The following EP300 variants were observed in gnomAD, a reference collection of about 807,000 sequenced individuals.
EP300 encodes the protein EP300 lysine acetyltransferase.
In EP300, 31 loss-of-function variants were observed where a neutral mutation model predicts 264.0. The observed-to-expected ratio is 0.12, with a 90% CI of 0.09 to 0.16. EP300 has a LOEUF of 0.16. Among genes scored for constraint, EP300 ranks in the 10% least tolerant of loss-of-function variants. The pLI, the probability that EP300 is intolerant of heterozygous loss-of-function variation, is 1.00. For synonymous variants in EP300, 1,340 were observed against 1,045.4 expected (o/e 1.28, Z -5.44); for missense variants, 2,766 against 3,052.9 (o/e 0.91, Z 2.21).
intron 1 of EP300, among the ~76,000 whole-genome samples, chr22:41,104,946 C>T (rs2058750397): frequency 6.6e-6 from 1 of 151,986 alleles, no homozygotes; most frequent in South Asian, 2.1e-4. Context: ...GGGCAGATCA[C>T]GAGGTCAGGA....
At chr22:41,148,896 C>T (rs773363807) in intron 12 of EP300, 142 bp from the exon 13 acceptor site, 5 of 1,059,966 alleles carry the variant, frequency 4.7e-6, no homozygotes, top group Non-Finnish European at 7.0e-6. Context: ...TCCTTCTCCT[C>T]TTCAGCCCTC....
At chr22:41,096,940 T>A (rs2071497153) in intron 1 of EP300, among the ~76,000 whole-genome samples, 1 of 152,202 alleles carries the variant, frequency 6.6e-6, no homozygotes, top group South Asian at 2.1e-4. Flanking sequence ...TTTCTTAAAA[T>A]GCCATTGTGT....
chr22:41,134,301 G>GTT (rs1214935029), intron 6 of EP300, among the ~76,000 whole-genome samples: 1 of 151,616 alleles, frequency 6.6e-6, no homozygotes, highest in Non-Finnish European at 1.5e-5. Flanking sequence ...GTACGTGTGT[G>GTT]TTTGAGTTTG....
chr22:41,117,479 A>C lies in EP300; in HGVS notation c.387A>C (p.Ala129=). 3.7e-6 allele frequency: 6 copies of C among 1,613,706 alleles called. No homozygotes were observed. Among genetic ancestry groups the C allele is most frequent in the Non-Finnish European group, 5.1e-6 (6 of 1,179,546 alleles). The part of the protein sequence containing the change: ...NSMVKSPMTQ[A]GLTSPNMGMG... ...TGGTCAAAAGCCCAATGACACAGGC[A>C]GGCTTGACTTCTCCCAACATGGGGA... is the stretch of plus-strand genomic sequence containing the variant. Residue 129 remains alanine, a synonymous_variant, in exon 2 of 31, where the codon GCA becomes GCC. Coordinates refer to ENST00000263253, the MANE Select transcript of EP300 (RefSeq NM_001429.4).
intron 1 of EP300, among the ~76,000 whole-genome samples, chr22:41,100,051 C>T (rs1220005230): frequency 6.6e-6 from 1 of 152,016 alleles, no homozygotes; most frequent in African/African-American, 2.4e-5. Flanking sequence ...ACCCCCCATC[C>T]CCCCACCATC....
At chr22:41,154,944 GTTC>G (rs1358837893) in intron 16 of EP300, 48 bp from the exon 17 acceptor site, 1 of 1,243,100 alleles carries the variant, frequency 8.0e-7, no homozygotes, top group Non-Finnish European at 1.2e-6. Flanking sequence ...ATTTTTTAAA[GTTC>G]TTCTGCTTAA....
chr22:41,134,761 A>G (rs535370381), intron 6 of EP300, among the ~76,000 whole-genome samples: 4 of 152,348 alleles, frequency 2.6e-5, no homozygotes, highest in South Asian at 2.1e-4. Flanking sequence ...ATGAGGAGCA[A>G]TCTTGCCTTT....
intron 11 of EP300, among the ~76,000 whole-genome samples, chr22:41,147,017 A>G (rs541330241): frequency 2.0e-5 from 3 of 152,250 alleles, no homozygotes; most frequent in Admixed American, 2.0e-4. Flanking sequence ...TTAAAAAACA[A>G]CTGCAGGCTG....
intron 4 of EP300, 80 bp from the exon 5 acceptor site, chr22:41,129,810 A>G (rs1473361266): frequency 1.9e-6 from 2 of 1,029,868 alleles, no homozygotes; most frequent in African/African-American, 1.6e-5. Context: ...TATGTTACTT[A>G]TTAAGTGGTC....
At chr22:41,162,891 A>G (rs1362822366) in intron 21 of EP300, 112 bp downstream of exon 21, 6 of 846,698 alleles carry the variant, frequency 7.1e-6, no homozygotes, top group Non-Finnish European at 1.2e-5. Flanking sequence ...GGCTAAATCT[A>G]CATAACATAC....
At position 41,178,722 on chromosome 22, in the gene EP300, A is replaced by C. The variant is rs374096478; in HGVS notation, c.7011A>C (p.Pro2337=). The part of the protein sequence containing the change: ...PSPRMQPQPS[P]HHVSPQTSSP... ...CAAGGATGCAGCCTCAGCCTTCTCC[A>C]CACCACGTTTCCCCACAGACAAGTT... Residue 2337 remains proline, a synonymous_variant, in exon 31 of 31, where the codon CCA becomes CCC. Coordinates refer to ENST00000263253, the MANE Select transcript of EP300 (RefSeq NM_001429.4). 1 of 1,613,730 alleles carries C rather than the reference A, an allele frequency of 6.2e-7. No homozygotes were observed.
At chr22:41,108,291 C>T (rs962661136) in intron 1 of EP300, among the ~76,000 whole-genome samples, 3 of 146,466 alleles carry the variant, frequency 2.0e-5, no homozygotes, top group Non-Finnish European at 4.5e-5. Context: ...TTCTGTCGCC[C>T]AGTCTGGAGT....
chr22:41,167,841 T>TTTTTTTTTTTTTG, intron 23 of EP300, among the ~76,000 whole-genome samples: 1 of 103,670 alleles, frequency 9.6e-6, no homozygotes. Context: ...TTTTTTTTTT[T>TTTTTTTTTTTTTG]TTTTTTTTTT....
chr22:41,092,723 T>G lies in EP300; in HGVS notation c.-282T>G. ...CTCTAGAGCCGCGAGTTCTCGGGAA[T>G]TCGCCGCAGCGGACGCGCTCGGCGA... On this transcript the variant is annotated 5_prime_UTR_variant, in exon 1 of 31. Coordinates refer to ENST00000263253, the MANE Select transcript of EP300 (RefSeq NM_001429.4). The G allele has an allele frequency of 1.6e-6, 1 of 611,834 alleles. No individual in the cohort carries two copies. Among genetic ancestry groups the G allele is most frequent in the Non-Finnish European group, 3.0e-6 (1 of 337,102 alleles). 37.9% of individuals were successfully genotyped at this position (611,834 alleles called of 1,614,324 possible).
intron 18 of EP300, 36 bp from the exon 19 acceptor site, chr22:41,158,376 G>T (rs1364818199): frequency 6.4e-7 from 1 of 1,574,224 alleles, no homozygotes; most frequent in Middle Eastern, 1.7e-4. Context: ...TGTCCTTAAG[G>T]CCTCTGTGCT....
At chr22:41,127,407 T>C (rs1054159474) in intron 3 of EP300, 80 bp from the exon 4 acceptor site, 2 of 1,581,602 alleles carry the variant, frequency 1.3e-6, no homozygotes, top group Admixed American at 1.7e-5. Context: ...AAGGTTTTCA[T>C]TGAAAATATC....
chr22:41,125,339 C>G (rs1025695864), intron 2 of EP300, among the ~76,000 whole-genome samples: 4 of 151,774 alleles, frequency 2.6e-5, no homozygotes, highest in African/African-American at 7.2e-5. Flanking sequence ...AGGATAGTCT[C>G]TATCTCCTGA....
chr22:41,102,346 T>C (rs1269048681), intron 1 of EP300, among the ~76,000 whole-genome samples: 4 of 152,182 alleles, frequency 2.6e-5, no homozygotes, highest in African/African-American at 9.7e-5. Context: ...TCCTGGTGGC[T>C]GTCTTTGAGG....
At position 41,092,696 on chromosome 22, in the gene EP300, G is replaced by C. The variant is rs1026519145; in HGVS notation, c.-309G>C. ...CCGGCCGTGGCGGGCCGGGGACTGC[G>C]CCTCTAGAGCCGCGAGTTCTCGGGA... On this transcript the variant is annotated 5_prime_UTR_variant, in exon 1 of 31. Transcript: ENST00000263253. 1.3e-5 allele frequency: 8 copies of C among 611,480 alleles called. No homozygotes were observed. Among genetic ancestry groups the C allele is most frequent in the Non-Finnish European group, 2.1e-5 (7 of 338,148 alleles). 37.9% of individuals were successfully genotyped at this position (611,480 alleles called of 1,614,324 possible).
Sources: gnomAD v4.1 joint callset for allele counts (sites outside exome capture counted in the v4.1 genomes callset) on GRCh38, gnomAD v4.1.1 for gene constraint, MANE v1.5 for transcripts, NCBI Gene and HGNC (gene_info 2026-07-23, HGNC 2026-07-21) for gene names.